NAV1: variants seen among roughly 807,000 people sequenced by gnomAD.
The protein encoded by NAV1 is pore membrane and/or filament interacting like protein 3.
A neutral mutation model predicts 175.2 loss-of-function variants in NAV1; 18 were observed. The ratio of observed to expected loss-of-function variants is 0.10; its 90% CI spans 0.07 to 0.15. The LOEUF is 0.15. Ranked by LOEUF, NAV1 falls within the 10% of genes least tolerant of loss-of-function variation. The pLI, the probability that NAV1 is intolerant of heterozygous loss-of-function variation, is 1.00. For missense variants in NAV1, 1,731 were observed against 2,436.6 expected, an observed-to-expected ratio of 0.71 and a Z score of 6.10; for synonymous variants, 897 against 978.7, an observed-to-expected ratio of 0.92 and a Z score of 1.56.
intron 2 of NAV1, among the ~76,000 whole-genome samples, chr1:201,613,016 G>C (rs1239023372): frequency 6.6e-6 from 1 of 152,300 alleles, no homozygotes; most frequent in East Asian, 1.9e-4. Flanking sequence ...CCAGGGCGGA[G>C]GGAGGGTACG....
intron 1 of NAV1, among the ~76,000 whole-genome samples, chr1:201,547,534 G>A (rs2102448508): frequency 6.6e-6 from 1 of 152,278 alleles, no homozygotes; most frequent in East Asian, 1.9e-4. Context: ...TGAACCACGG[G>A]AGGAGAAGCA....
At chr1:201,640,370 C>T (rs921111350) in intron 2 of NAV1, among the ~76,000 whole-genome samples, 1 of 152,190 alleles carries the variant, frequency 6.6e-6, no homozygotes, top group African/African-American at 2.4e-5. Context: ...GAGGTGTGAG[C>T]CACTCAGAGC....
At chr1:201,678,504 G>C (rs929637820) in intron 1 of NAV1, among the ~76,000 whole-genome samples, 1 of 152,214 alleles carries the variant, frequency 6.6e-6, no homozygotes, top group Non-Finnish European at 1.5e-5. Flanking sequence ...GGAAGTCACA[G>C]AGTTGATAAT....
chr1:201,691,359 T>C (rs564318108), intron 1 of NAV1, among the ~76,000 whole-genome samples: 3 of 152,242 alleles, frequency 2.0e-5, no homozygotes, highest in Admixed American at 6.5e-5. Context: ...CAGAGAAGCC[T>C]CCCTGGAAGA....
chr1:201,555,507 G>T (rs534200595), intron 1 of NAV1, among the ~76,000 whole-genome samples: 114 of 152,238 alleles, frequency 7.5e-4, no homozygotes, highest in Non-Finnish European at 1.4e-3. Flanking sequence ...AACAGATATG[G>T]GGAAGTCAGG....
rs1469225147 is a variant in NAV1, at chr1:201,811,809, C to T, written c.4952+52C>T. ...TTCATCGAAGTGGGAGGAGGGAGAA[C>T]CCAGTCCAGGACAACCTATGAGTTG... On this transcript the variant is annotated intron_variant, in intron 25 of 29. Transcript: ENST00000367296. 9 of 1,608,000 alleles carry T rather than the reference C, an allele frequency of 5.6e-6. No individual in the cohort carries two copies. The African/African-American group carries it at 1.2e-4, about 22-fold the overall frequency.
At chr1:201,709,161 A>AG (rs1413262147) in intron 1 of NAV1, among the ~76,000 whole-genome samples, 1 of 150,960 alleles carries the variant, frequency 6.6e-6, no homozygotes, top group Non-Finnish European at 1.5e-5. Context: ...AAAAAAAAAA[A>AG]CCATTGAACT....
chr1:201,629,451 C>G, exon 2 of NAV1: 1 of 1,304,290 alleles, frequency 7.7e-7, no homozygotes, highest in East Asian at 5.6e-5. Context: ...GGCAGCTGGC[C>G]CCTTGATGGC....
At chr1:201,739,818 T>A in intron 3 of NAV1, 1 of 1,234,230 alleles carries the variant, frequency 8.1e-7, no homozygotes, top group Non-Finnish European at 1.0e-6. Flanking sequence ...GAAATGGGGC[T>A]CTGTCACTTT....
Position 201,788,593 on chromosome 1 carries a change from A to G in NAV1, c.3121A>G (p.Lys1041Glu). Residue 1041 changes from lysine to glutamate, a missense_variant, in exon 10 of 30, where the codon AAG becomes GAG. By Grantham distance (56) the Lys-to-Glu change is moderately conservative. Around this residue, in one of 13 missense-constraint regions of NAV1, gnomAD observed 85 missense variants for 168.7 expected, o/e 0.50. Transcript: ENST00000367296. The surrounding 1 kb of genome is among the most constrained non-coding windows in gnomAD (Gnocchi z 5.7). ...CACCCTGTCCCTGGCCGAGAGACCCAAGGGAATGATTCGGTCAGGATCCTT... is the reference window on the plus strand; with the variant it reads ...CACCCTGTCCCTGGCCGAGAGACCCGAGGGAATGATTCGGTCAGGATCCTT... The G allele has an allele frequency of 6.2e-7, 1 of 1,614,092 alleles. No individual in the cohort carries two copies. Among genetic ancestry groups the G allele is most frequent in the African/African-American group, 1.3e-5 (1 of 75,028 alleles).
In NAV1 at chr1:201,812,926, C is replaced by T. The variant is rs1028446737; in HGVS notation, c.5222-214C>T. Among the ~76,000 whole-genome samples, 3 of 152,210 alleles carry T rather than the reference C, an allele frequency of 2.0e-5. No individual in the cohort carries two copies. The South Asian group carries it at 6.2e-4, about 31-fold the overall frequency. On this transcript the variant is annotated intron_variant, in intron 27 of 29. Transcript: ENST00000367296. The surrounding 1 kb of genome is among the most constrained non-coding windows in gnomAD (Gnocchi z 4.6). The stretch of plus-strand genomic sequence containing the variant: ...ACATATGTAGGAAGGAATTAAACAG[C>T]TTTCCTCACTCCCTTATCTCACTTC...
chr1:201,809,394 A>C (rs1465670032), intron 21 of NAV1, 48 bp from the exon 26 acceptor site: 3 of 1,597,316 alleles, frequency 1.9e-6, no homozygotes, highest in Non-Finnish European at 2.6e-6. Context: ...CGGTTCATGG[A>C]GTCATCTGCA....
At chr1:201,628,363 T>TGTAAAACAG (rs1668394787) in intron 1 of NAV1, among the ~76,000 whole-genome samples, 1 of 152,032 alleles carries the variant, frequency 6.6e-6, no homozygotes, top group African/African-American at 2.4e-5. Context: ...AACCCTAGAC[T>TGTAAAACAG]GTAAAACAGA....
intron 1 of NAV1, among the ~76,000 whole-genome samples, chr1:201,663,239 A>G (rs941950397): frequency 6.6e-6 from 1 of 152,286 alleles, no homozygotes; most frequent in Non-Finnish European, 1.5e-5. Flanking sequence ...GTTATATGTC[A>G]GCCCAGTGGT....
chr1:201,739,945 T>G (rs1336050414), intron 3 of NAV1: 1 of 1,367,470 alleles, frequency 7.3e-7, no homozygotes, highest in Non-Finnish European at 9.5e-7. Flanking sequence ...CCTTTTCGGG[T>G]GTCCCCGGGT....
chr1:201,774,939 G>A (rs1005667103), intron 3 of NAV1, among the ~76,000 whole-genome samples: 11 of 152,174 alleles, frequency 7.2e-5, no homozygotes, highest in Non-Finnish European at 1.0e-4. Flanking sequence ...ACTTAAAGTC[G>A]AATCCTGAGC....
chr1:201,606,458 C>T (rs1246565292), intron 2 of NAV1, among the ~76,000 whole-genome samples: 2 of 152,192 alleles, frequency 1.3e-5, no homozygotes, highest in African/African-American at 4.8e-5. Context: ...TGAGGCTGTC[C>T]TAAGGCCACG....
intron 2 of NAV1, among the ~76,000 whole-genome samples, chr1:201,637,149 T>C (rs1235282565): frequency 6.6e-6 from 1 of 152,204 alleles, no homozygotes; most frequent in African/African-American, 2.4e-5. Flanking sequence ...AGCACAGAAG[T>C]ACCAACTGAG....
At chr1:201,581,090 TG>T (rs1381697622) in intron 1 of NAV1, among the ~76,000 whole-genome samples, 1 of 152,104 alleles carries the variant, frequency 6.6e-6, no homozygotes, top group African/African-American at 2.4e-5. Context: ...AGGTAGGGAA[TG>T]GGGTAGAGAC....
Sources: allele counts gnomAD v4.1 joint callset (sites outside exome capture counted in the v4.1 genomes callset), GRCh38; gene constraint gnomAD v4.1.1; regional missense constraint gnomAD v4.1.1; non-coding constraint Gnocchi (gnomAD v3.1); transcripts MANE v1.5; gene names NCBI Gene and HGNC (gene_info 2026-07-23, HGNC 2026-07-21).